Variants in ATPAF1 observed in about 807,000 individuals in gnomAD.
ATPAF1 encodes the protein homolog of yeast ATP11.
Under a neutral mutation model 43.9 loss-of-function variants are expected in ATPAF1, and 26 were observed. The ratio of observed to expected loss-of-function variants is 0.59; its 90% confidence interval spans 0.43 to 0.82. The LOEUF (loss-of-function observed/expected upper bound fraction) is 0.82, where lower values mean the gene tolerates loss of function less well. Among genes scored for constraint, ATPAF1 ranks in the 40% least tolerant of loss-of-function variants. The pLI is 0.00. For missense variants in ATPAF1, 366 were observed against 435.0 expected (o/e 0.84, Z 1.41); for synonymous variants, 157 against 168.0 (o/e 0.93, Z 0.50).
chr1:46,668,291 CCA>C lies in ATPAF1; in HGVS notation c.30_31del (p.Gly11ArgfsTer85). 7.2e-7 allele frequency: 1 copy of C among 1,381,714 alleles called. No individual in the cohort carries two copies. Among genetic ancestry groups the C allele is most frequent in the Non-Finnish European group, 9.4e-7 (1 of 1,062,640 alleles). 85.6% of individuals were successfully genotyped at this position (1,381,714 alleles called of 1,614,324 possible). On this transcript the variant is annotated frameshift_variant, in exon 1 of 9. Coordinates refer to ENST00000574428, the Ensembl canonical transcript of ATPAF1. LOFTEE classifies it high-confidence loss of function. This position sits in a 1 kb window ranked among gnomAD's most constrained non-coding sequence, Gnocchi z 4.4. The stretch of plus-strand genomic sequence containing the variant: ...CACCTGCAGGACCGCCGGTCCCGCG[CCA>C]CCCGCAGCCGCCACCACCACAGCAG...
At chr1:46,659,384 T>C (rs548671298) in intron 2 of ATPAF1, among the ~76,000 whole-genome samples, 16 of 152,202 alleles carry the variant, frequency 1.1e-4, no homozygotes, top group Middle Eastern at 3.4e-3. Context: ...TAGGCCTGCT[T>C]GGGATTACTG....
At chr1:46,656,999 T>G (rs1471465443) in intron 4 of ATPAF1, among the ~76,000 whole-genome samples, 1 of 152,180 alleles carries the variant, frequency 6.6e-6, no homozygotes, top group East Asian at 1.9e-4. Context: ...AGGAAACCCA[T>G]GGCAACTGGC....
intron 1 of ATPAF1, 83 bp from the exon 2 acceptor site, chr1:46,665,447 G>A (rs1399677236): frequency 7.0e-7 from 1 of 1,429,264 alleles, no homozygotes; most frequent in African/African-American, 1.4e-5. Context: ...CACCTCTACA[G>A]AGAAAGGACA....
At chr1:46,667,649 G>A (rs1302254463) in intron 1 of ATPAF1, among the ~76,000 whole-genome samples, 1 of 152,134 alleles carries the variant, frequency 6.6e-6, no homozygotes, top group Non-Finnish European at 1.5e-5. Flanking sequence ...AAGGCCCTAA[G>A]CTACCACCAG....
intron 8 of ATPAF1, among the ~76,000 whole-genome samples, chr1:46,638,793 C>T (rs1166540510): frequency 6.6e-6 from 1 of 151,758 alleles, no homozygotes; most frequent in African/African-American, 2.4e-5. Flanking sequence ...AAGCAACAGT[C>T]TCCTCCTTTT....
intron 2 of ATPAF1, chr1:46,663,925 T>C (rs1404664266): frequency 2.3e-6 from 3 of 1,278,418 alleles, no homozygotes; most frequent in Non-Finnish European, 3.1e-6. Context: ...TGCACCATCC[T>C]AGGTTAGAAT....
At chr1:46,656,758 G>T (rs2148823488) in intron 4 of ATPAF1, among the ~76,000 whole-genome samples, 1 of 152,228 alleles carries the variant, frequency 6.6e-6, no homozygotes, top group East Asian at 1.9e-4. Context: ...GACATGTTTT[G>T]TGTCCATGTT....
chr1:46,648,034 T>C (rs564138421), intron 6 of ATPAF1, among the ~76,000 whole-genome samples: 2 of 152,368 alleles, frequency 1.3e-5, no homozygotes, highest in African/African-American at 4.8e-5. Context: ...TTTTGGCTAT[T>C]GTGACTAATG....
chr1:46,662,488 A>G (rs1676409012), intron 2 of ATPAF1, among the ~76,000 whole-genome samples: 1 of 148,716 alleles, frequency 6.7e-6, no homozygotes, highest in Non-Finnish European at 1.5e-5. Context: ...ATGCAGTGCC[A>G]TGACCTCAGC....
At chr1:46,663,472 A>G (rs1340105609) in intron 2 of ATPAF1, among the ~76,000 whole-genome samples, 1 of 152,202 alleles carries the variant, frequency 6.6e-6, no homozygotes, top group Non-Finnish European at 1.5e-5. Flanking sequence ...AATGATTGCC[A>G]TTCTAACTGG....
intron 2 of ATPAF1, chr1:46,663,797 A>T (rs779901637): frequency 8.8e-7 from 1 of 1,138,254 alleles, no homozygotes; most frequent in Non-Finnish European, 1.1e-6. Context: ...TGACTTTAAA[A>T]CACAATGTAG....
intron 2 of ATPAF1, chr1:46,664,907 T>C (rs1177189173): frequency 9.3e-6 from 2 of 215,160 alleles, no homozygotes. Context: ...TCCTCTCTAC[T>C]TAATTTAAAT....
chr1:46,656,252 G>C (rs1676271532), intron 4 of ATPAF1, among the ~76,000 whole-genome samples: 1 of 152,116 alleles, frequency 6.6e-6, no homozygotes. Flanking sequence ...CACTAACAAA[G>C]GCATAGAAGT....
chr1:46,654,579 T>C (rs1569621582), intron 4 of ATPAF1, among the ~76,000 whole-genome samples: 1 of 149,034 alleles, frequency 6.7e-6, no homozygotes, highest in East Asian at 2.0e-4. Flanking sequence ...AGTTCTAGGG[T>C]ACATGTGTAC....
intron 1 of ATPAF1, among the ~76,000 whole-genome samples, chr1:46,666,596 C>T (rs575207663): frequency 1.7e-4 from 26 of 152,350 alleles, no homozygotes; most frequent in Non-Finnish European, 2.9e-4. Context: ...GCTCAAACAT[C>T]CCCAAATGGT....
intron 8 of ATPAF1, chr1:46,636,195 T>C: frequency 1.7e-6 from 1 of 599,182 alleles, no homozygotes; most frequent in Non-Finnish European, 3.0e-6. Context: ...GTATTTTTCC[T>C]TTTCTTTTTT....
chr1:46,645,527 CT>C (rs60052594), intron 6 of ATPAF1, among the ~76,000 whole-genome samples: 424 of 141,072 alleles, frequency 3.0e-3, no homozygotes, highest in Non-Finnish European at 3.0e-3. Context: ...AGCCTGGCTA[CT>C]TTTTTTTTTT....
chr1:46,667,672 A>G (rs1676513970), intron 1 of ATPAF1, among the ~76,000 whole-genome samples: 1 of 152,178 alleles, frequency 6.6e-6, no homozygotes. Context: ...TGGGAACTCC[A>G]GCTCTGAGCC....
rs1011304449 is a variant in ATPAF1, at chr1:46,668,048, G to C, written c.266+9C>G. 7.2e-7 allele frequency: 1 copy of C among 1,392,800 alleles called. No homozygotes were observed. Among genetic ancestry groups the C allele is most frequent in the African/African-American group, 1.5e-5 (1 of 66,554 alleles). 86.3% of individuals were successfully genotyped at this position (1,392,800 alleles called of 1,614,324 possible). A position where few individuals can be genotyped will look rare whatever the true frequency, so the allele number is the denominator to read the frequency against. On this transcript the variant is annotated intron_variant, in intron 1 of 8. Transcript: ENST00000574428. This position sits in a 1 kb window ranked among gnomAD's most constrained non-coding sequence, Gnocchi z 4.4. ...CTCCTGCCCGCCTCCAGCCAACCCA[G>C]GCCCGCACCTGCGCAGCAGCTGGAT...
Sources: allele counts gnomAD v4.1 joint callset (sites outside exome capture counted in the v4.1 genomes callset), GRCh38; gene constraint gnomAD v4.1.1; non-coding constraint Gnocchi (gnomAD v3.1); transcripts MANE v1.5; gene names NCBI Gene and HGNC (gene_info 2026-07-23, HGNC 2026-07-21).